Variants in TRAPPC11 observed in about 807,000 individuals in gnomAD.
The protein encoded by TRAPPC11 is foie gras homolog.
Under a neutral mutation model 151.2 loss-of-function variants are expected in TRAPPC11, and 104 were observed. The ratio of observed to expected loss-of-function variants is 0.69; its 90% CI spans 0.59 to 0.81. The LOEUF (loss-of-function observed/expected upper bound fraction) is 0.81. TRAPPC11 is among the 30% of genes least tolerant of loss of function. The pLI is 0.00. For missense variants in TRAPPC11, 1,230 were observed against 1,349.6 expected (o/e 0.91, Z 1.39); for synonymous variants, 456 against 472.3 (o/e 0.97, Z 0.45).
At chr4:183,692,370 T>TA (rs33971588) in intron 19 of TRAPPC11, among the ~76,000 whole-genome samples, 231 of 146,384 alleles carry the variant, frequency 1.6e-3, no homozygotes, top group Middle Eastern at 3.6e-3. Context: ...GCTTATTCAT[T>TA]AAAAAAAAAA....
intron 7 of TRAPPC11, among the ~76,000 whole-genome samples, chr4:183,676,725 C>T (rs1211777038): frequency 6.6e-6 from 1 of 152,228 alleles, no homozygotes; most frequent in Non-Finnish European, 1.5e-5. Context: ...GTAATATTCA[C>T]TTAACCTGTA....
intron 23 of TRAPPC11, among the ~76,000 whole-genome samples, chr4:183,696,449 G>A (rs924141630): frequency 2.6e-5 from 4 of 152,112 alleles, no homozygotes; most frequent in African/African-American, 9.7e-5. Flanking sequence ...AGCTTGGAGT[G>A]TAGTGGCACG....
chr4:183,701,998 T>C (rs928084037), intron 26 of TRAPPC11, among the ~76,000 whole-genome samples, 190 bp downstream of exon 26: 29 of 152,174 alleles, frequency 1.9e-4, no homozygotes, highest in African/African-American at 7.0e-4. Flanking sequence ...GTGACTTATA[T>C]GCTATTAAAA....
chr4:183,701,675 A>G lies in TRAPPC11; in HGVS notation c.2852-22A>G, dbSNP rs112734716. 722 of 1,522,816 alleles carry G rather than the reference A, an allele frequency of 4.7e-4. 1 individual carries two copies. In the African/African-American group the frequency reaches 8.1e-3, roughly 17 times the overall value. The allele number at this position is 1,522,816 out of a possible 1,614,324, so 94.3% of individuals were successfully genotyped here. On this transcript the variant is annotated intron_variant, in intron 25 of 29. Transcript: ENST00000334690. ...TGTAGATGAAACCATTGCATAAGGA[A>G]TATAAAGACTTTTCCCTGTAGTTAT...
intron 4 of TRAPPC11, among the ~76,000 whole-genome samples, 176 bp downstream of exon 4, chr4:183,667,306 G>A (rs1162692336): frequency 6.6e-6 from 1 of 152,118 alleles, no homozygotes; most frequent in African/African-American, 2.4e-5. Context: ...AAAAATTAAA[G>A]ATAGTGAAGA....
In TRAPPC11 at chr4:183,684,735, A is replaced by G; in HGVS notation, c.1461A>G (p.Gly487=). The G allele has an allele frequency of 1.2e-6, 2 of 1,613,990 alleles. No individual in the cohort carries two copies. The highest frequency in any genetic ancestry group is 1.3e-5 in the African/African-American group (1 of 75,018). Residue 487 remains glycine, a synonymous_variant, in exon 15 of 30, where the codon GGA becomes GGG. Transcript: ENST00000334690. ...TGATGTGTGATTATCGGAGTGAAGG[A>G]TGGTGGACTCTGCTCACTTCTGTAT... The part of the protein sequence containing the change: ...DYVMCDYRSE[G]WWTLLTSVLT...
Position 183,712,625 on chromosome 4 carries a change from C to A in TRAPPC11, c.3383C>A (p.Thr1128Asn), listed in dbSNP as rs1372476336. 6.2e-7 allele frequency: 1 copy of A among 1,614,144 alleles called. No homozygotes were observed. Among genetic ancestry groups the A allele is most frequent in the South Asian group, 1.1e-5 (1 of 91,080 alleles). Residue 1128 changes from threonine (T) to asparagine (N), a missense_variant, in exon 30 of 30, where the codon ACC becomes AAC. Coordinates refer to ENST00000334690, the MANE Select transcript of TRAPPC11 (RefSeq NM_021942.6). ...CCACAGGGTCGACTCATGGATGATACCTCTATTGCTGCTGCATGATGTTCA... is the reference window on the plus strand; with the variant it reads ...CCACAGGGTCGACTCATGGATGATAACTCTATTGCTGCTGCATGATGTTCA... ...VKPQGRLMDD[T>N]SIAAA is the part of the protein sequence containing the mutation.
intron 23 of TRAPPC11, among the ~76,000 whole-genome samples, chr4:183,696,842 G>A (rs182260549): frequency 1.6e-4 from 24 of 152,200 alleles, no homozygotes; most frequent in Admixed American, 1.0e-3. Flanking sequence ...ACATGTATAC[G>A]GATGATAGCA....
chr4:183,689,216 C>G (rs1422157735), intron 18 of TRAPPC11, among the ~76,000 whole-genome samples: 1 of 152,032 alleles, frequency 6.6e-6, no homozygotes, highest in Admixed American at 6.6e-5. Flanking sequence ...AATGGAGATT[C>G]AGGGATATAA....
intron 17 of TRAPPC11, among the ~76,000 whole-genome samples, chr4:183,686,329 G>T (rs990167835): frequency 6.6e-6 from 1 of 152,084 alleles, no homozygotes; most frequent in African/African-American, 2.4e-5. Flanking sequence ...TATAGATAAG[G>T]TTTCACCGTG....
In TRAPPC11 at chr4:183,697,548, G is replaced by T; in HGVS notation, c.2674G>T (p.Val892Phe). 6.2e-7 allele frequency: 1 copy of T among 1,603,624 alleles called. No individual in the cohort carries two copies. The highest frequency in any genetic ancestry group is 8.5e-7 in the Non-Finnish European group (1 of 1,177,876). Residue 892 changes from valine to phenylalanine, a missense_variant, in exon 24 of 30, where the codon GTT becomes TTT. Physicochemically the swap from Val to Phe is conservative, Grantham distance 50 (BLOSUM62 -1). Coordinates refer to ENST00000334690, the MANE Select transcript of TRAPPC11 (RefSeq NM_021942.6). ...IETVFPFDVA[V>F]KFVSTKFEHL... ...AACAGTCTTTCCATTTGATGTTGCG[G>T]TTAAATTTGTTTCTACCAAGGTATG...
At chr4:183,679,306 G>T in intron 8 of TRAPPC11, 47 bp from the exon 9 acceptor site, 3 of 1,498,640 alleles carry the variant, frequency 2.0e-6, no homozygotes, top group South Asian at 1.4e-5. Context: ...TATGTCTTTT[G>T]ACTTTCTTTT....
In TRAPPC11 at chr4:183,674,816, C is replaced by T. The variant is rs559118514; in HGVS notation, c.660+4C>T. The stretch of plus-strand genomic sequence containing the variant: ...TTTGAATAAAACAACACACCAGGTG[C>T]GTGATTTTTTGCAATAATAGAAGCA... On this transcript the variant is annotated splice_donor_region_variant and intron_variant, in intron 6 of 29. Transcript: ENST00000334690. The T allele has an allele frequency of 7.7e-6, 12 of 1,553,400 alleles. No homozygotes were observed. The highest frequency in any genetic ancestry group is 7.2e-5 in the South Asian group (6 of 83,412).
At chr4:183,701,536 C>T in intron 25 of TRAPPC11, 161 bp from the exon 26 acceptor site, 1 of 560,410 alleles carries the variant, frequency 1.8e-6, no homozygotes, top group Non-Finnish European at 3.2e-6. Context: ...ACTTTGTGAC[C>T]TTGAAAAAGT....
At chr4:183,695,214 T>C (rs2111072262) in intron 23 of TRAPPC11, among the ~76,000 whole-genome samples, 1 of 152,226 alleles carries the variant, frequency 6.6e-6, no homozygotes, top group South Asian at 2.1e-4. Flanking sequence ...CCTCCCAAAG[T>C]GCTGGGATTA....
chr4:183,686,850 A>G (rs1735996823), intron 18 of TRAPPC11, 102 bp downstream of exon 18: 1 of 1,350,318 alleles, frequency 7.4e-7, no homozygotes, highest in Non-Finnish European at 1.0e-6. Flanking sequence ...TAATGGTTTC[A>G]TAGTAACAAA....
chr4:183,680,702 G>T (rs1407285441), intron 10 of TRAPPC11, among the ~76,000 whole-genome samples: 1 of 36,038 alleles, frequency 2.8e-5, no homozygotes, highest in African/African-American at 1.9e-4. Context: ...TTTTTTTTTG[G>T]AGATGGAGTC....
In TRAPPC11 at chr4:183,693,977, A is replaced by T; in HGVS notation, c.2447A>T (p.Asp816Val). The change falls in exon 22 of 30, where the codon GAT (aspartate) becomes GTT (valine). Residue 816 changes from aspartate to valine, a missense_variant. Asp to Val is a radical substitution (Grantham distance 152). Coordinates refer to ENST00000334690, the MANE Select transcript of TRAPPC11 (RefSeq NM_021942.6). Reference sequence around the variant, plus strand: ...ACTCTTCATGGAACAGAACTGTGTGATGAATCCTACCCGGCTTTACTCACT... The same window carrying T: ...ACTCTTCATGGAACAGAACTGTGTGTTGAATCCTACCCGGCTTTACTCACT... The part of the protein sequence containing the change: ...HVTLHGTELC[D>V]ESYPALLTDI... 1 of 1,614,128 alleles carries T rather than the reference A, an allele frequency of 6.2e-7. No individual in the cohort carries two copies.
Position 183,663,915 on chromosome 4 carries a change from T to C in TRAPPC11, c.48T>C (p.Pro16=). The C allele has an allele frequency of 1.2e-6, 2 of 1,614,228 alleles. No homozygotes were observed. The highest frequency in any genetic ancestry group is 1.7e-6 in the Non-Finnish European group (2 of 1,180,042). Residue 16 remains proline (P), a synonymous_variant, in exon 2 of 30, where the codon CCT becomes CCC. Coordinates refer to ENST00000334690, the MANE Select transcript of TRAPPC11 (RefSeq NM_021942.6). ...TCCCTGTGGAATTATGTTGCCGGCC[T>C]ATGGCCTTTGTTACTCTAACGGGCC... ...WDFPVELCCR[P]MAFVTLTGLD...
Sources: allele counts gnomAD v4.1 joint callset (sites outside exome capture counted in the v4.1 genomes callset), GRCh38; gene constraint gnomAD v4.1.1; transcripts MANE v1.5; gene names NCBI Gene and HGNC (gene_info 2026-07-23, HGNC 2026-07-21).